The following CRIM1 variants were observed in gnomAD, a reference collection of about 807,000 sequenced individuals.
CRIM1 encodes the protein cysteine rich transmembrane BMP regulator 1.
In CRIM1, 32 loss-of-function variants were observed where a neutral mutation model predicts 116.4. The ratio of observed to expected loss-of-function variants is 0.27; its 90% CI spans 0.21 to 0.37. The LOEUF (loss-of-function observed/expected upper bound fraction) is 0.37. CRIM1 is among the 10% of genes least tolerant of loss of function. The pLI, the probability that CRIM1 is intolerant of heterozygous loss-of-function variation, is 1.00. For synonymous variants in CRIM1, 590 were observed against 509.2 expected, an observed-to-expected ratio of 1.16 and a Z score of -2.13; for missense variants, 1,331 against 1,354.8, an observed-to-expected ratio of 0.98 and a Z score of 0.28.
intron 10 of CRIM1, among the ~76,000 whole-genome samples, chr2:36,512,895 T>TG: frequency 6.6e-6 from 1 of 152,222 alleles, no homozygotes; most frequent in Non-Finnish European, 1.5e-5. Flanking sequence ...TGGATATCCC[T>TG]GCTGCCTGAG....
intron 1 of CRIM1, among the ~76,000 whole-genome samples, chr2:36,384,485 T>C (rs1300554860): frequency 6.6e-6 from 1 of 152,228 alleles, no homozygotes; most frequent in Non-Finnish European, 1.5e-5. Context: ...GGTAAGATAC[T>C]ACACAAAGGA....
At chr2:36,444,055 A>T (rs1184874423) in intron 4 of CRIM1, among the ~76,000 whole-genome samples, 1 of 152,250 alleles carries the variant, frequency 6.6e-6, no homozygotes, top group Non-Finnish European at 1.5e-5. Flanking sequence ...CATCGCTAAC[A>T]GTAACAGATG....
chr2:36,397,506 T>C (rs1162227996), intron 2 of CRIM1, among the ~76,000 whole-genome samples: 3 of 152,056 alleles, frequency 2.0e-5, no homozygotes, highest in Non-Finnish European at 4.4e-5. Context: ...GCTCTGCCGC[T>C]AACCAGCATT....
intron 4 of CRIM1, among the ~76,000 whole-genome samples, chr2:36,464,058 G>A (rs1262495401): frequency 6.6e-6 from 1 of 152,092 alleles, no homozygotes; most frequent in Non-Finnish European, 1.5e-5. Context: ...CTTAATCATT[G>A]AACCAGGAGT....
At chr2:36,523,690 G>A (rs1665569067) in intron 13 of CRIM1, among the ~76,000 whole-genome samples, 3 of 152,192 alleles carry the variant, frequency 2.0e-5, no homozygotes, top group Admixed American at 6.5e-5. Flanking sequence ...TATTGTTGGG[G>A]ATTTTCCATG....
intron 4 of CRIM1, among the ~76,000 whole-genome samples, chr2:36,454,393 T>G (rs986753120): frequency 6.6e-6 from 1 of 152,014 alleles, no homozygotes. Flanking sequence ...CACACACACA[T>G]ACAGCATCAG....
At chr2:36,461,874 G>C (rs1341083428) in intron 4 of CRIM1, among the ~76,000 whole-genome samples, 2 of 152,204 alleles carry the variant, frequency 1.3e-5, no homozygotes, top group Non-Finnish European at 2.9e-5. Context: ...CTAATAGATA[G>C]CTACCCAATA....
intron 7 of CRIM1, among the ~76,000 whole-genome samples, chr2:36,491,519 C>G (rs541035957): frequency 1.3e-5 from 2 of 152,328 alleles, no homozygotes; most frequent in East Asian, 3.9e-4. Flanking sequence ...GATACAGCCT[C>G]TTAGGACAAT....
chr2:36,494,036 C>T (rs1369124652), intron 7 of CRIM1, among the ~76,000 whole-genome samples: 2 of 152,072 alleles, frequency 1.3e-5, no homozygotes, highest in African/African-American at 4.8e-5. Context: ...GAGAATTTCT[C>T]ATAAAATAAA....
At chr2:36,376,545 G>A (rs896473072) in intron 1 of CRIM1, among the ~76,000 whole-genome samples, 1 of 152,192 alleles carries the variant, frequency 6.6e-6, no homozygotes, top group Non-Finnish European at 1.5e-5. Flanking sequence ...GAATGTGGGA[G>A]AAGGTGTAAA....
chr2:36,383,844 G>T (rs909473902), intron 1 of CRIM1, among the ~76,000 whole-genome samples: 1 of 152,138 alleles, frequency 6.6e-6, no homozygotes, highest in African/African-American at 2.4e-5. Flanking sequence ...ATCCGTAAAG[G>T]CCCATTGGAG....
At chr2:36,436,719 C>T (rs916333175) in intron 2 of CRIM1, among the ~76,000 whole-genome samples, 6 of 152,140 alleles carry the variant, frequency 3.9e-5, no homozygotes, top group African/African-American at 7.2e-5. Flanking sequence ...CATACACACA[C>T]GTGCTAAAAA....
At chr2:36,517,283 G>T (rs779410489) in intron 11 of CRIM1, 44 bp from the exon 12 acceptor site, 1 of 1,518,934 alleles carries the variant, frequency 6.6e-7, no homozygotes, top group South Asian at 1.1e-5. Context: ...GAGTTGGAAA[G>T]ATTGCAGATG....
At chr2:36,407,072 G>C (rs927079169) in intron 2 of CRIM1, among the ~76,000 whole-genome samples, 1 of 152,102 alleles carries the variant, frequency 6.6e-6, no homozygotes, top group African/African-American at 2.4e-5. Context: ...GGTCCCAGCT[G>C]ATTTTTCCTT....
At chr2:36,413,625 C>T (rs1029957976) in intron 2 of CRIM1, among the ~76,000 whole-genome samples, 3 of 152,264 alleles carry the variant, frequency 2.0e-5, no homozygotes, top group South Asian at 2.1e-4. Context: ...AAATTAGATA[C>T]CTACACACGT....
At position 36,407,053 on chromosome 2, in the gene CRIM1, T is replaced by G. The variant is rs572680956; in HGVS notation, c.505+10266T>G. Among the ~76,000 whole-genome samples the G allele has an allele frequency of 3.9e-5, 6 of 152,248 alleles. No homozygotes were observed. In the South Asian group the frequency reaches 1.2e-3, roughly 32 times the overall value. On this transcript the variant is annotated intron_variant, in intron 2 of 16. Transcript: ENST00000280527. Reference sequence around the variant, plus strand: ...CTTCTGCGTGGGTCAGGGATCTCATTATCATCAAGGTCCCAGCTGATTTTT... The same window carrying G: ...CTTCTGCGTGGGTCAGGGATCTCATGATCATCAAGGTCCCAGCTGATTTTT...
At chr2:36,466,133 G>A (rs1028498280) in intron 5 of CRIM1, among the ~76,000 whole-genome samples, 3 of 151,944 alleles carry the variant, frequency 2.0e-5, no homozygotes, top group African/African-American at 4.8e-5. Flanking sequence ...TGATCCACCC[G>A]CCTCGGCCTC....
intron 1 of CRIM1, among the ~76,000 whole-genome samples, chr2:36,381,745 C>G (rs527818128): frequency 6.6e-6 from 1 of 152,308 alleles, no homozygotes; most frequent in African/African-American, 2.4e-5. Flanking sequence ...CGAGATTACG[C>G]TACTGTACTC....
At chr2:36,420,680 AAG>A (rs1027756386) in intron 2 of CRIM1, among the ~76,000 whole-genome samples, 32 of 152,306 alleles carry the variant, frequency 2.1e-4, no homozygotes, top group African/African-American at 7.7e-4. Context: ...CAGGATAATT[AAG>A]AGTTTGCCAG....
Sources: gnomAD v4.1 joint callset for allele counts (sites outside exome capture counted in the v4.1 genomes callset) on GRCh38, gnomAD v4.1.1 for gene constraint, MANE v1.5 for transcripts, NCBI Gene and HGNC (gene_info 2026-07-23, HGNC 2026-07-21) for gene names.